The following FOXJ3 variants were observed in gnomAD, a reference collection of about 807,000 sequenced individuals.
FOXJ3 encodes the protein forkhead box J3.
Under a neutral mutation model 76.1 loss-of-function variants are expected in FOXJ3, and 22 were observed. The observed-to-expected ratio is 0.29, with a 90% CI of 0.21 to 0.41. The LOEUF (loss-of-function observed/expected upper bound fraction) is 0.41, where lower values mean the gene tolerates loss of function less well. Ranked by LOEUF, FOXJ3 falls within the 10% of genes least tolerant of loss-of-function variation. The pLI, the probability that FOXJ3 is intolerant of heterozygous loss-of-function variation, is 1.00. For synonymous variants in FOXJ3, 269 were observed against 261.2 expected, an observed-to-expected ratio of 1.03 and a Z score of -0.29; for missense variants, 613 against 762.1, an observed-to-expected ratio of 0.80 and a Z score of 2.30.
intron 2 of FOXJ3, 52 bp downstream of exon 2, chr1:42,310,997 TA>T: frequency 9.0e-7 from 1 of 1,115,344 alleles, no homozygotes; most frequent in African/African-American, 1.6e-5. Flanking sequence ...GTGACCAGTC[TA>T]ACTTTTAAAA....
chr1:42,205,194 A>C (rs1646837771), intron 6 of FOXJ3, among the ~76,000 whole-genome samples: 1 of 152,196 alleles, frequency 6.6e-6, no homozygotes, highest in Non-Finnish European at 1.5e-5. Flanking sequence ...TCTTATAAAG[A>C]AGAGACAGAT....
intron 5 of FOXJ3, among the ~76,000 whole-genome samples, chr1:42,209,620 G>A (rs1405118674): frequency 6.6e-6 from 1 of 152,136 alleles, no homozygotes; most frequent in Non-Finnish European, 1.5e-5. Flanking sequence ...CCCAATCCAG[G>A]CCACGGGGGA....
intron 4 of FOXJ3, among the ~76,000 whole-genome samples, chr1:42,231,242 C>T (rs902834318): frequency 5.3e-5 from 8 of 152,046 alleles, no homozygotes; most frequent in African/African-American, 9.7e-5. Context: ...AGGAGAATGG[C>T]GTGAACCCAG....
intron 4 of FOXJ3, among the ~76,000 whole-genome samples, chr1:42,250,923 G>A (rs343387): frequency 0.7 from 105,570 of 150,190 alleles, 37,615 homozygotes; most frequent in Admixed American, 0.8. Flanking sequence ...AGAACAAAAA[G>A]ATGAGAAAAA....
intron 1 of FOXJ3, among the ~76,000 whole-genome samples, chr1:42,316,342 T>C (rs1175220732): frequency 7.4e-6 from 1 of 135,746 alleles, no homozygotes; most frequent in African/African-American, 2.6e-5. Context: ...CCTTTTTTTT[T>C]TTTTTTTCTG....
At chr1:42,325,567 G>C (rs926573882) in intron 1 of FOXJ3, among the ~76,000 whole-genome samples, 1 of 152,186 alleles carries the variant, frequency 6.6e-6, no homozygotes, top group African/African-American at 2.4e-5. Flanking sequence ...ATGAGTGAGA[G>C]AAATGATGAG....
At chr1:42,197,069 A>C (rs7554478) in intron 7 of FOXJ3, among the ~76,000 whole-genome samples, 1,886 of 152,270 alleles carry the variant, frequency 0.012, 34 homozygotes, top group African/African-American at 0.042. Context: ...ATACTTTCTA[A>C]TCTCTGCATA....
intron 2 of FOXJ3, among the ~76,000 whole-genome samples, chr1:42,300,919 T>G (rs1276857958): frequency 1.3e-5 from 2 of 152,220 alleles, no homozygotes; most frequent in African/African-American, 4.8e-5. Flanking sequence ...AGGTAATCCC[T>G]TCTCTCTTGC....
At chr1:42,202,359 C>G (rs1280457271) in intron 6 of FOXJ3, among the ~76,000 whole-genome samples, 1 of 151,804 alleles carries the variant, frequency 6.6e-6, no homozygotes, top group Non-Finnish European at 1.5e-5. Context: ...TCTATCATTT[C>G]TATCATTTCT....
At position 42,234,709 on chromosome 1, in the gene FOXJ3, A is replaced by G. The variant is rs151234128; in HGVS notation, c.445-6743T>C. ...GTATCAGCAGCAGAGGTTGCAGAACAGCAGATATTGGCAAGCAGCAAATGT... is the reference window on the plus strand; with the variant it reads ...GTATCAGCAGCAGAGGTTGCAGAACGGCAGATATTGGCAAGCAGCAAATGT... On this transcript the variant is annotated intron_variant, in intron 4 of 12. Coordinates refer to ENST00000361346, the MANE Select transcript of FOXJ3 (RefSeq NM_014947.5). Among the ~76,000 whole-genome samples, 628 of 152,300 alleles carry G rather than the reference A, an allele frequency of 4.1e-3. 3 individuals are homozygous for G. The highest frequency in any genetic ancestry group is 0.014 in the African/African-American group (585 of 41,562).
At chr1:42,226,399 G>A (rs928924225) in intron 5 of FOXJ3, among the ~76,000 whole-genome samples, 72 of 152,212 alleles carry the variant, frequency 4.7e-4, no homozygotes, top group Non-Finnish European at 1.0e-4. Context: ...ATCACCTGAG[G>A]TCAGGAGTTC....
chr1:42,180,041 G>A lies in FOXJ3; in HGVS notation c.1754-216C>T, dbSNP rs41312635. On this transcript the variant is annotated intron_variant, in intron 12 of 12. Coordinates refer to ENST00000361346, the MANE Select transcript of FOXJ3 (RefSeq NM_014947.5). ...ATTACCCAAAGTCACACAACCAGTA[G>A]GGGACAAAGATAGGATCTGAGGTCA... 6.7e-3 allele frequency among the ~76,000 whole-genome samples: 1,025 copies of A among 152,238 alleles called. 3 individuals carry two copies. The highest frequency in any genetic ancestry group is 0.01 in the Non-Finnish European group (701 of 68,014).
intron 2 of FOXJ3, among the ~76,000 whole-genome samples, chr1:42,306,481 T>C (rs566268800): frequency 6.6e-6 from 1 of 151,954 alleles, no homozygotes; most frequent in Non-Finnish European, 1.5e-5. Flanking sequence ...TTTTTATATT[T>C]TTAGTCGAGA....
At chr1:42,262,643 GT>G (rs1321319322) in intron 4 of FOXJ3, among the ~76,000 whole-genome samples, 5 of 152,182 alleles carry the variant, frequency 3.3e-5, no homozygotes, top group Non-Finnish European at 7.3e-5. Context: ...GAGGTCAGGA[GT>G]TTGACACCAG....
chr1:42,251,739 G>C (rs562589982), intron 4 of FOXJ3, among the ~76,000 whole-genome samples: 48 of 56,110 alleles, frequency 8.6e-4, no homozygotes, highest in Non-Finnish European at 5.4e-4. Flanking sequence ...TTTTTTTTGA[G>C]ACGGAGTTTT....
At chr1:42,324,146 C>CACTGTG (rs1553170613) in intron 1 of FOXJ3, among the ~76,000 whole-genome samples, 8 of 85,708 alleles carry the variant, frequency 9.3e-5, no homozygotes, top group South Asian at 7.7e-4. Context: ...AGTATATATA[C>CACTGTG]TATATATACA....
intron 11 of FOXJ3, among the ~76,000 whole-genome samples, chr1:42,183,858 G>C (rs986784090): frequency 1.3e-5 from 2 of 151,982 alleles, no homozygotes; most frequent in African/African-American, 4.8e-5. Flanking sequence ...CATGCAGATA[G>C]GGAAACAGGG....
At chr1:42,261,396 T>A (rs1367884854) in intron 4 of FOXJ3, among the ~76,000 whole-genome samples, 4 of 152,064 alleles carry the variant, frequency 2.6e-5, no homozygotes. Context: ...TCATTTTGTG[T>A]GTGTGTGTGT....
At chr1:42,262,408 T>A (rs1235359584) in intron 4 of FOXJ3, among the ~76,000 whole-genome samples, 1 of 152,230 alleles carries the variant, frequency 6.6e-6, no homozygotes, top group African/African-American at 2.4e-5. Context: ...CAAAGCTTTT[T>A]TAAAGCAGTG....
Sources: allele counts gnomAD v4.1 joint callset (sites outside exome capture counted in the v4.1 genomes callset), GRCh38; gene constraint gnomAD v4.1.1; transcripts MANE v1.5; gene names NCBI Gene and HGNC (gene_info 2026-07-23, HGNC 2026-07-21).